SNX6: variants seen among roughly 807,000 people sequenced by gnomAD.
SNX6 encodes sorting nexin 6, also known as sorting nexin-6.
Under a neutral mutation model 63.0 loss-of-function variants are expected in SNX6, and 34 were observed. The observed-to-expected ratio is 0.54, with a 90% confidence interval of 0.41 to 0.72. The LOEUF is 0.72. SNX6 is among the 30% of genes least tolerant of loss of function. The pLI is 0.00. For synonymous variants in SNX6, 170 were observed against 164.2 expected (o/e 1.04, Z -0.27); for missense variants, 398 against 471.4 (o/e 0.84, Z 1.44).
chr14:34,576,680 C>T (rs1297415551), intron 10 of SNX6, among the ~76,000 whole-genome samples: 1 of 151,620 alleles, frequency 6.6e-6, no homozygotes, highest in Non-Finnish European at 1.5e-5. Context: ...AACTCCTGAC[C>T]TCAAATGATC....
chr14:34,603,817 T>A (rs1359904428), intron 5 of SNX6, among the ~76,000 whole-genome samples: 1 of 152,164 alleles, frequency 6.6e-6, no homozygotes, highest in African/African-American at 2.4e-5. Context: ...AGAATCTTAA[T>A]GATTCAATAT....
At chr14:34,622,079 T>TCAAGCAA (rs1352187480) in intron 2 of SNX6, among the ~76,000 whole-genome samples, 2 of 150,792 alleles carry the variant, frequency 1.3e-5, no homozygotes, top group African/African-American at 4.9e-5. Context: ...CTGCCTCAGT[T>TCAAGCAA]TCCCTAGTAG....
At chr14:34,578,949 A>AAAAAAAAAAAAAAAAAAAAAAAAAAAAG in intron 10 of SNX6, among the ~76,000 whole-genome samples, 1 of 146,776 alleles carries the variant, frequency 6.8e-6, no homozygotes, top group Non-Finnish European at 1.5e-5. Context: ...AAAAAAAAAA[A>AAAAAAAAAAAAAAAAAAAAAAAAAAAAG]AAAAAAAAAA....
At chr14:34,587,333 C>T (rs1178126273) in intron 8 of SNX6, among the ~76,000 whole-genome samples, 9 of 151,464 alleles carry the variant, frequency 5.9e-5, no homozygotes, top group Non-Finnish European at 7.4e-5. Context: ...GAGATTGAGA[C>T]CATCCTGGCT....
chr14:34,618,040 G>C (rs1242682892), intron 2 of SNX6, among the ~76,000 whole-genome samples: 1 of 152,094 alleles, frequency 6.6e-6, no homozygotes, highest in Non-Finnish European at 1.5e-5. Flanking sequence ...TGACAGCAAA[G>C]CAAATGTAGA....
chr14:34,592,677 C>T (rs915705099), intron 8 of SNX6, among the ~76,000 whole-genome samples: 2 of 152,184 alleles, frequency 1.3e-5, no homozygotes, highest in Non-Finnish European at 2.9e-5. Context: ...CATCCTCCCA[C>T]CTTAGCTTTC....
intron 10 of SNX6, among the ~76,000 whole-genome samples, chr14:34,580,844 A>G (rs1367031968): frequency 6.6e-6 from 1 of 151,990 alleles, no homozygotes; most frequent in Admixed American, 6.6e-5. Context: ...TTGTAGAGGC[A>G]GCGTCTTGCT....
chr14:34,563,848 C>T (rs1881047158), intron 13 of SNX6, among the ~76,000 whole-genome samples: 1 of 152,024 alleles, frequency 6.6e-6, no homozygotes, highest in African/African-American at 2.4e-5. Flanking sequence ...AAGTAATTCT[C>T]CTGCGTCAGC....
chr14:34,606,244 T>C (rs1363448577), intron 4 of SNX6, among the ~76,000 whole-genome samples: 1 of 149,588 alleles, frequency 6.7e-6, no homozygotes, highest in Admixed American at 6.7e-5. Flanking sequence ...TTTCCCAGGC[T>C]GGAGTAGCTG....
chr14:34,619,384 T>C (rs1057352251), intron 2 of SNX6, among the ~76,000 whole-genome samples: 8 of 151,500 alleles, frequency 5.3e-5, no homozygotes, highest in African/African-American at 1.9e-4. Flanking sequence ...ATCGCACCAC[T>C]GCACTCCAGC....
intron 13 of SNX6, among the ~76,000 whole-genome samples, 167 bp downstream of exon 13, chr14:34,567,519 C>G (rs149211758): frequency 1.4e-3 from 218 of 152,080 alleles, no homozygotes; most frequent in African/African-American, 4.8e-3. Flanking sequence ...AAACCCAGAC[C>G]AACTATTTTG....
At chr14:34,628,659 T>TAA (rs1198096417) in intron 2 of SNX6, among the ~76,000 whole-genome samples, 1 of 152,150 alleles carries the variant, frequency 6.6e-6, no homozygotes, top group Non-Finnish European at 1.5e-5. Flanking sequence ...AAAAGTTTTA[T>TAA]AAAAGTCATC....
At chr14:34,616,000 G>A (rs1883405708) in intron 2 of SNX6, among the ~76,000 whole-genome samples, 1 of 152,164 alleles carries the variant, frequency 6.6e-6, no homozygotes, top group African/African-American at 2.4e-5. Context: ...CCTGTCACCA[G>A]GCTGGAGTGC....
At chr14:34,575,460 C>G (rs1360436483) in intron 11 of SNX6, 1 of 162,316 alleles carries the variant, frequency 6.2e-6, no homozygotes, top group Non-Finnish European at 1.3e-5. Context: ...TCGGCCTCCC[C>G]AAGTGTTGGG....
At chr14:34,599,604 T>C (rs1350759570) in intron 6 of SNX6, among the ~76,000 whole-genome samples, 2 of 146,244 alleles carry the variant, frequency 1.4e-5, no homozygotes, top group Non-Finnish European at 3.0e-5. Context: ...CGAAACTCTG[T>C]CTAAAAAAAA....
intron 9 of SNX6, among the ~76,000 whole-genome samples, chr14:34,582,135 T>C (rs1881964764): frequency 6.7e-6 from 1 of 148,714 alleles, no homozygotes; most frequent in Non-Finnish European, 1.5e-5. Context: ...CCCTGATTTT[T>C]TTTTTTTTTT....
At chr14:34,568,947 T>C (rs1881317216) in intron 11 of SNX6, 4 of 1,359,558 alleles carry the variant, frequency 2.9e-6, no homozygotes, top group African/African-American at 1.4e-5. Context: ...GGTGCCACGC[T>C]GTGGAAGCAG....
intron 2 of SNX6, among the ~76,000 whole-genome samples, chr14:34,610,723 T>G (rs1883196180): frequency 6.6e-6 from 1 of 152,128 alleles, no homozygotes. Context: ...CTTCATCTGT[T>G]TTTCTTACTC....
At position 34,563,085 on chromosome 14, in the gene SNX6, GA is replaced by G. The variant is rs1881001869; in HGVS notation, c.*36del. The G allele has an allele frequency of 1.3e-6, 2 of 1,597,732 alleles. No homozygotes were observed. The highest frequency in any genetic ancestry group is 1.7e-6 in the Non-Finnish European group (2 of 1,168,172). On this transcript the variant is annotated 3_prime_UTR_variant, in exon 14 of 14. Transcript: ENST00000362031. ...AAGAAAACAAAAATAAAATTTGAAGGAAGGCAGCCCTTTTTAACAGGAAGGC... is the reference window on the plus strand; with the variant it reads ...AAGAAAACAAAAATAAAATTTGAAGGAGGCAGCCCTTTTTAACAGGAAGGC...
Sources: gnomAD v4.1 joint callset for allele counts (sites outside exome capture counted in the v4.1 genomes callset) on GRCh38, gnomAD v4.1.1 for gene constraint, MANE v1.5 for transcripts, NCBI Gene and HGNC (gene_info 2026-07-23, HGNC 2026-07-21) for gene names.